The following SIPA1L1 variants were observed in gnomAD, a reference collection of about 807,000 sequenced individuals.
SIPA1L1 encodes the protein signal induced proliferation associated 1 like 1, also known as signal-induced proliferation-associated 1-like protein 1.
Under a neutral mutation model 162.7 loss-of-function variants are expected in SIPA1L1, and 26 were observed. The observed-to-expected ratio is 0.16, with a 90% CI of 0.12 to 0.22. SIPA1L1 has a LOEUF of 0.22. Among genes scored for constraint, SIPA1L1 ranks in the 10% least tolerant of loss-of-function variants. The pLI is 1.00. For missense variants in SIPA1L1, 1,874 were observed against 2,241.0 expected, an observed-to-expected ratio of 0.84 and a Z score of 3.31; for synonymous variants, 829 against 837.4, an observed-to-expected ratio of 0.99 and a Z score of 0.17.
At position 71,635,218 on chromosome 14, in the gene SIPA1L1, G is replaced by T. The variant is rs2041015723; in HGVS notation, c.1818+10982G>T. Among the ~76,000 whole-genome samples the T allele has an allele frequency of 3.3e-5, 5 of 152,212 alleles. No individual in the cohort carries two copies. The South Asian group carries it at 1.0e-3, about 32-fold the overall frequency. ...CACTTGAACCCAGGAGGTGGACATT[G>T]CAGTAAGCTGAGATCACGCCATTGC... On this transcript the variant is annotated intron_variant, in intron 7 of 23. Coordinates refer to ENST00000381232, the MANE Select transcript of SIPA1L1 (RefSeq NM_001386936.1).
chr14:71,723,083 A>C (rs1040339126), intron 17 of SIPA1L1, among the ~76,000 whole-genome samples: 1 of 152,254 alleles, frequency 6.6e-6, no homozygotes, highest in Admixed American at 6.5e-5. Context: ...TGTAATCTTT[A>C]ACCGATGTTT....
intron 2 of SIPA1L1, among the ~76,000 whole-genome samples, chr14:71,465,785 A>G (rs1253792833): frequency 6.6e-6 from 1 of 152,168 alleles, no homozygotes; most frequent in East Asian, 1.9e-4. Flanking sequence ...AGTTTCCACA[A>G]TAGGCTGTCT....
At chr14:71,375,236 GGCTT>G (rs1431253145) in intron 2 of SIPA1L1, among the ~76,000 whole-genome samples, 1 of 151,830 alleles carries the variant, frequency 6.6e-6, no homozygotes, top group East Asian at 1.9e-4. Context: ...GATTCTCTTG[GGCTT>G]TTTCCTTTGG....
intron 2 of SIPA1L1, among the ~76,000 whole-genome samples, chr14:71,427,547 G>C (rs1385481743): frequency 6.6e-6 from 1 of 152,152 alleles, no homozygotes; most frequent in African/African-American, 2.4e-5. Context: ...CTCTCACAAT[G>C]TATGTGTTGC....
intron 2 of SIPA1L1, among the ~76,000 whole-genome samples, chr14:71,332,185 A>G (rs2034622024): frequency 6.6e-6 from 1 of 152,196 alleles, no homozygotes; most frequent in African/African-American, 2.4e-5. Flanking sequence ...TTTTGTTTGC[A>G]TAGGTGGGTC....
At chr14:71,487,110 T>G (rs1010674157) in intron 2 of SIPA1L1, among the ~76,000 whole-genome samples, 2 of 152,212 alleles carry the variant, frequency 1.3e-5, no homozygotes, top group Admixed American at 1.3e-4. Flanking sequence ...GTAAGTTCTC[T>G]GCATGAAAAG....
intron 10 of SIPA1L1, among the ~76,000 whole-genome samples, chr14:71,668,688 C>CTCTG (rs963217751): frequency 5.3e-5 from 8 of 152,150 alleles, no homozygotes; most frequent in African/African-American, 1.4e-4. Context: ...TAGCCTCTAG[C>CTCTG]TCTGTCTGTC....
intron 3 of SIPA1L1, among the ~76,000 whole-genome samples, chr14:71,514,493 T>G (rs1030179881): frequency 1.3e-5 from 2 of 152,200 alleles, no homozygotes; most frequent in African/African-American, 2.4e-5. Context: ...ATCACCAGTT[T>G]CAGGTGTTTC....
chr14:71,467,395 C>T (rs866111434), intron 2 of SIPA1L1: 16 of 152,216 alleles, frequency 1.1e-4, no homozygotes, highest in Admixed American at 1.0e-3. Flanking sequence ...ATGATACTTA[C>T]ATTCTTATTG....
At chr14:71,523,179 G>A (rs867925751) in intron 3 of SIPA1L1, among the ~76,000 whole-genome samples, 6 of 150,924 alleles carry the variant, frequency 4.0e-5, no homozygotes, top group African/African-American at 1.2e-4. Context: ...GTTATTTACA[G>A]TCCCTTATTT....
intron 2 of SIPA1L1, 110 bp from the exon 3 acceptor site, chr14:71,512,633 G>A (rs1232857454): frequency 8.3e-6 from 1 of 120,778 alleles, no homozygotes; most frequent in Non-Finnish European, 1.6e-5. Flanking sequence ...ACATGGCCCT[G>A]CAATGCCATC....
At chr14:71,629,825 T>G (rs1217365449) in intron 7 of SIPA1L1, among the ~76,000 whole-genome samples, 1 of 152,254 alleles carries the variant, frequency 6.6e-6, no homozygotes, top group East Asian at 1.9e-4. Flanking sequence ...ATATTTAATT[T>G]AACTCTGCAA....
At chr14:71,586,992 T>C (rs2034693332) in intron 4 of SIPA1L1, 2 of 152,144 alleles carry the variant, frequency 1.3e-5, no homozygotes, top group African/African-American at 4.8e-5. Context: ...CTGGGAAAAC[T>C]CTTTTTATTT....
intron 5 of SIPA1L1, among the ~76,000 whole-genome samples, chr14:71,603,371 A>G (rs886072133): frequency 2.0e-5 from 3 of 151,838 alleles, no homozygotes; most frequent in African/African-American, 7.3e-5. Context: ...GGGGGGACAT[A>G]TTTCTGTCAC....
chr14:71,683,638 A>AT (rs960897871), intron 12 of SIPA1L1, among the ~76,000 whole-genome samples: 2 of 152,214 alleles, frequency 1.3e-5, no homozygotes, highest in African/African-American at 4.8e-5. Context: ...GCAGTGGCAT[A>AT]TTTTTGTCAT....
At chr14:71,474,454 A>G (rs2047696565) in intron 2 of SIPA1L1, among the ~76,000 whole-genome samples, 1 of 152,132 alleles carries the variant, frequency 6.6e-6, no homozygotes, top group Non-Finnish European at 1.5e-5. Flanking sequence ...TTTCTAATTC[A>G]TTCTATTCTG....
chr14:71,558,187 C>G (rs2056500980), intron 4 of SIPA1L1, among the ~76,000 whole-genome samples: 1 of 152,038 alleles, frequency 6.6e-6, no homozygotes, highest in South Asian at 2.1e-4. Context: ...AATGATGCCT[C>G]AAATATTTAT....
intron 12 of SIPA1L1, among the ~76,000 whole-genome samples, chr14:71,677,147 T>C (rs1041077983): frequency 2.3e-4 from 35 of 152,144 alleles, no homozygotes; most frequent in African/African-American, 8.2e-4. Context: ...TGTTTCCTCA[T>C]TTTTTAATGA....
At chr14:71,626,711 A>G (rs1488926135) in intron 7 of SIPA1L1, among the ~76,000 whole-genome samples, 1 of 152,186 alleles carries the variant, frequency 6.6e-6, no homozygotes, top group Non-Finnish European at 1.5e-5. Context: ...GATACAAGGA[A>G]ACTGGACTCA....
Sources: allele counts gnomAD v4.1 joint callset (sites outside exome capture counted in the v4.1 genomes callset), GRCh38; gene constraint gnomAD v4.1.1; transcripts MANE v1.5; gene names NCBI Gene and HGNC (gene_info 2026-07-23, HGNC 2026-07-21).